The following ULK4 variants were observed in gnomAD, a reference collection of about 807,000 sequenced individuals.
ULK4 encodes the protein unc-51 like kinase 4.
A neutral mutation model predicts 160.6 loss-of-function variants in ULK4; 133 were observed. The ratio of observed to expected loss-of-function variants is 0.83; its 90% CI spans 0.72 to 0.96. The LOEUF is 0.96. ULK4 is among the 40% of genes least tolerant of loss of function. ULK4 has a pLI of 0.00. For missense variants in ULK4, 1,580 were observed against 1,499.5 expected, an observed-to-expected ratio of 1.05 and a Z score of -0.89; for synonymous variants, 534 against 539.8, an observed-to-expected ratio of 0.99 and a Z score of 0.15.
intron 21 of ULK4, among the ~76,000 whole-genome samples, chr3:41,781,864 G>A (rs574454294): frequency 4.0e-5 from 6 of 151,758 alleles, no homozygotes; most frequent in South Asian, 2.1e-4. Flanking sequence ...ACTTGAACCC[G>A]GGAGGCGGAG....
intron 21 of ULK4, among the ~76,000 whole-genome samples, chr3:41,755,516 T>C (rs959394321): frequency 2.6e-5 from 4 of 152,156 alleles, no homozygotes; most frequent in African/African-American, 9.7e-5. Flanking sequence ...ATCTGTTTTC[T>C]ACCTTTCCAG....
intron 35 of ULK4, among the ~76,000 whole-genome samples, chr3:41,368,909 A>AT (rs2081306779): frequency 6.6e-6 from 1 of 152,120 alleles, no homozygotes; most frequent in East Asian, 1.9e-4. Context: ...TTACAAAAAT[A>AT]TTTTTTCAAA....
intron 27 of ULK4, chr3:41,688,066 CCTCCTCTTAAGATCAT>C (rs1316577313): frequency 2.0e-5 from 3 of 152,278 alleles, no homozygotes; most frequent in African/African-American, 7.2e-5. Context: ...TCAAGAACTT[CCTCCTCTTAAGATCAT>C]CTCCAGACTC....
At chr3:41,452,374 A>G (rs897547912) in intron 34 of ULK4, among the ~76,000 whole-genome samples, 4 of 152,172 alleles carry the variant, frequency 2.6e-5, no homozygotes, top group African/African-American at 9.7e-5. Flanking sequence ...AACAATTCTG[A>G]AAGAAGCAGA....
At chr3:41,930,259 A>G (rs1045257370) in intron 5 of ULK4, among the ~76,000 whole-genome samples, 5 of 116,614 alleles carry the variant, frequency 4.3e-5, no homozygotes, top group African/African-American at 1.4e-4. Flanking sequence ...AGGAAATCCT[A>G]TTGTGTTGGG....
intron 35 of ULK4, among the ~76,000 whole-genome samples, chr3:41,274,026 A>AT (rs563423076): frequency 2.1e-4 from 32 of 149,068 alleles, no homozygotes; most frequent in South Asian, 4.3e-4. Flanking sequence ...AGTCTCAGGT[A>AT]TTTTTTTTTT....
intron 35 of ULK4, among the ~76,000 whole-genome samples, chr3:41,321,527 A>G (rs548978241): frequency 1.5e-4 from 23 of 152,194 alleles, no homozygotes; most frequent in Admixed American, 1.4e-3. Context: ...ACCACCCAGG[A>G]ATGTGAGGCG....
At chr3:41,928,030 C>T (rs1242827286) in intron 5 of ULK4, among the ~76,000 whole-genome samples, 1 of 152,156 alleles carries the variant, frequency 6.6e-6, no homozygotes, top group Non-Finnish European at 1.5e-5. Flanking sequence ...GAACTCTCCA[C>T]CCCAAATCAA....
intron 17 of ULK4, among the ~76,000 whole-genome samples, chr3:41,864,000 A>G (rs570210821): frequency 1.0e-3 from 156 of 152,154 alleles, no homozygotes; most frequent in South Asian, 5.6e-3. Flanking sequence ...CTCTGGGCCT[A>G]ATTCAGCACT....
intron 21 of ULK4, among the ~76,000 whole-genome samples, chr3:41,765,974 A>G (rs576131814): frequency 1.3e-5 from 2 of 152,342 alleles, no homozygotes; most frequent in South Asian, 4.1e-4. Flanking sequence ...GTTTGTAAGA[A>G]TAAGAATCCA....
chr3:41,417,942 A>T (rs996242646), intron 34 of ULK4, among the ~76,000 whole-genome samples: 1 of 152,212 alleles, frequency 6.6e-6, no homozygotes, highest in African/African-American at 2.4e-5. Context: ...GTTTTTCAAA[A>T]GCAGGAGATG....
intron 32 of ULK4, among the ~76,000 whole-genome samples, chr3:41,478,286 G>A (rs1212571236): frequency 6.6e-6 from 1 of 152,174 alleles, no homozygotes; most frequent in Admixed American, 6.5e-5. Context: ...AGAACCTGAT[G>A]AATCACATGC....
intron 22 of ULK4, among the ~76,000 whole-genome samples, chr3:41,741,818 G>A (rs895956751): frequency 6.6e-6 from 1 of 151,844 alleles, no homozygotes; most frequent in Non-Finnish European, 1.5e-5. Flanking sequence ...AACACAGGAA[G>A]ACTCTGAAAG....
intron 2 of ULK4, among the ~76,000 whole-genome samples, chr3:41,949,686 C>T (rs1700224841): frequency 3.3e-5 from 5 of 150,640 alleles, no homozygotes; most frequent in South Asian, 4.2e-4. Flanking sequence ...GCCCCCTCCT[C>T]GGCCACTCAA....
At chr3:41,554,852 A>G (rs530715022) in intron 32 of ULK4, among the ~76,000 whole-genome samples, 35 of 152,302 alleles carry the variant, frequency 2.3e-4, no homozygotes, top group African/African-American at 8.2e-4. Flanking sequence ...ATACATTTTA[A>G]AAGTAGAAAT....
At chr3:41,836,322 G>A (rs533513668) in intron 17 of ULK4, among the ~76,000 whole-genome samples, 3 of 152,076 alleles carry the variant, frequency 2.0e-5, no homozygotes, top group Admixed American at 6.6e-5. Context: ...ACAAGCGCAC[G>A]CCACCAAGTC....
intron 21 of ULK4, among the ~76,000 whole-genome samples, chr3:41,773,279 T>C (rs753847005): frequency 6.6e-6 from 1 of 152,178 alleles, no homozygotes; most frequent in Non-Finnish European, 1.5e-5. Context: ...GGAAGTCAAA[T>C]TGTCCCTGTT....
intron 34 of ULK4, among the ~76,000 whole-genome samples, chr3:41,400,213 T>C (rs953556599): frequency 6.6e-6 from 1 of 152,154 alleles, no homozygotes; most frequent in Non-Finnish European, 1.5e-5. Context: ...TTACTAATTT[T>C]ATATCTTTTT....
At chr3:41,603,836 G>C (rs1378649520) in intron 31 of ULK4, among the ~76,000 whole-genome samples, 3 of 152,062 alleles carry the variant, frequency 2.0e-5, no homozygotes, top group African/African-American at 7.2e-5. Context: ...TACAACTACA[G>C]ACCAATTTCA....
Sources: gnomAD v4.1 joint callset for allele counts (sites outside exome capture counted in the v4.1 genomes callset) on GRCh38, gnomAD v4.1.1 for gene constraint, MANE v1.5 for transcripts, NCBI Gene and HGNC (gene_info 2026-07-23, HGNC 2026-07-21) for gene names.